Variants in LRWD1 observed in about 807,000 individuals in gnomAD.
LRWD1 encodes leucine-rich repeat and WD repeat-containing protein 1.
Under a neutral mutation model 75.6 loss-of-function variants are expected in LRWD1, and 76 were observed. The ratio of observed to expected loss-of-function variants is 1.01; its 90% CI spans 0.84 to 1.22. LRWD1 has a LOEUF of 1.22. LRWD1 is among the 50% of genes most tolerant of loss of function. The probability of loss-of-function intolerance (pLI) is 0.00; values close to 1 mark genes in which losing one functional copy is unlikely to be tolerated. For missense variants in LRWD1, 917 were observed against 862.0 expected (o/e 1.06, Z -0.80); for synonymous variants, 487 against 377.0 (o/e 1.29, Z -3.38).
At chr7:102,471,940 T>G in intron 11 of LRWD1, 1 of 430,722 alleles carries the variant, frequency 2.3e-6, no homozygotes, top group South Asian at 2.2e-5. Context: ...CTGGCTCGCT[T>G]CAGAGCCTTA....
chr7:102,467,171 G>GGTGTGTGTGTATGTGTGT (rs1798025832), intron 3 of LRWD1, among the ~76,000 whole-genome samples, 168 bp from the exon 4 acceptor site: 1 of 99,116 alleles, frequency 1.0e-5, no homozygotes, highest in Non-Finnish European at 1.9e-5. Flanking sequence ...GTGTGTGTGG[G>GGTGTGTGTGTATGTGTGT]GTGTGTGTGT....
chr7:102,467,458 C>T lies in LRWD1; in HGVS notation c.552C>T (p.Leu184=). The change falls in exon 4 of 15, where the codon CTC becomes CTT. Residue 184 remains leucine, a synonymous_variant. Transcript: ENST00000292616. The stretch of plus-strand genomic sequence containing the variant: ...ATGTCCGCTACGGGCCCGAGTCCCT[C>T]AGCGAGTTCACCCAGTGGCGGGTAT... ...VRDVRYGPES[L]SEFTQWRVRM... The T allele has an allele frequency of 2.5e-6, 4 of 1,613,734 alleles. No individual in the cohort carries two copies. Among genetic ancestry groups the T allele is most frequent in the Non-Finnish European group, 2.5e-6 (3 of 1,179,978 alleles).
At chr7:102,472,031 G>A (rs541689659) in intron 11 of LRWD1, 187 bp from the exon 12 acceptor site, 173 of 603,286 alleles carry the variant, frequency 2.9e-4, no homozygotes, top group Middle Eastern at 9.1e-4. Context: ...GGACACTCAG[G>A]TGCTGGCTCC....
intron 9 of LRWD1, 134 bp from the exon 10 acceptor site, chr7:102,469,440 C>A: frequency 1.0e-6 from 1 of 985,448 alleles, no homozygotes; most frequent in Non-Finnish European, 1.5e-6. Context: ...GTGTTCCTGT[C>A]TCCTAGCCTC....
chr7:102,469,986 G>T, intron 11 of LRWD1, 104 bp downstream of exon 11: 1 of 1,380,116 alleles, frequency 7.2e-7, no homozygotes, highest in African/African-American at 1.5e-5. Flanking sequence ...TAACCATAAG[G>T]GTTGTTTTTA....
chr7:102,472,427 T>C (rs1586745154), intron 12 of LRWD1, 27 bp from the exon 13 acceptor site: 1 of 1,541,620 alleles, frequency 6.5e-7, no homozygotes, highest in Non-Finnish European at 8.8e-7. Flanking sequence ...GGGGCCACCC[T>C]GCACAGCTCT....
chr7:102,465,889 G>A lies in LRWD1; in HGVS notation c.153G>A (p.Glu51=), dbSNP rs1408063573. The A allele has an allele frequency of 6.2e-7, 1 of 1,613,638 alleles. No homozygotes were observed. The highest frequency in any genetic ancestry group is 1.7e-5 in the Admixed American group (1 of 60,010). ...KLLCRLTQLQ[E]LDLSNNHLET... is the part of the protein sequence containing the mutation. ...TGTGCCGCCTGACGCAGCTGCAGGA[G>A]CTTGACCTGTCTAACAACCACCTGG... Residue 51 remains glutamate, a synonymous_variant, in exon 2 of 15, where the codon GAG becomes GAA. Coordinates refer to ENST00000292616, the MANE Select transcript of LRWD1 (RefSeq NM_152892.3).
intron 8 of LRWD1, 38 bp downstream of exon 8, chr7:102,468,692 C>G: frequency 6.5e-7 from 1 of 1,548,860 alleles, no homozygotes; most frequent in Non-Finnish European, 8.7e-7. Flanking sequence ...GCAAGGGTGC[C>G]CGACTGACTC....
Position 102,468,243 on chromosome 7 carries a change from A to T in LRWD1, c.805-20A>T. The T allele has an allele frequency of 6.2e-7, 1 of 1,601,712 alleles. No individual in the cohort carries two copies. Among genetic ancestry groups the T allele is most frequent in the Non-Finnish European group, 8.5e-7 (1 of 1,175,246 alleles). On this transcript the variant is annotated intron_variant, in intron 6 of 14. Coordinates refer to ENST00000292616, the MANE Select transcript of LRWD1 (RefSeq NM_152892.3). The stretch of plus-strand genomic sequence containing the variant: ...GATGAGTCGGGGCTGGGCAGCTGTG[A>T]CCCTTCTCTCCCCCCACAGCCTGCT...
At position 102,473,081 on chromosome 7, in the gene LRWD1, G is replaced by GCTAA. The variant is rs556142304; in HGVS notation, c.*39_*42dup. ...ACCATCGCAAAGGACCAGGGACACAGCTAACTAACTTATTCAGCTTTGGGC... is the reference window on the plus strand; with the variant it reads ...ACCATCGCAAAGGACCAGGGACACAGCTAACTAACTAACTTATTCAGCTTTGGGC... On this transcript the variant is annotated 3_prime_UTR_variant, in exon 15 of 15. Transcript: ENST00000292616. 2,353 of 1,563,728 alleles carry GCTAA rather than the reference G, an allele frequency of 1.5e-3. 18 individuals carry two copies. In the Middle Eastern group the frequency reaches 0.027, roughly 18 times the overall value.
rs1798244437 is a variant in LRWD1 at position 102,472,696 on chromosome 7, G to A, written c.1695G>A (p.Lys565=). ...ACTCCACCTCTGTCCCGGCAGATAA[G>A]GGGATTGTGCTCTGTGGGGATGAGG... ...AYFSLSACPD[K]GIVLCGDEEG... Residue 565 remains lysine (K), a synonymous_variant, in exon 14 of 15, where the codon AAG becomes AAA. Coordinates refer to ENST00000292616, the MANE Select transcript of LRWD1 (RefSeq NM_152892.3). The A allele has an allele frequency of 1.9e-6, 3 of 1,613,542 alleles. No individual in the cohort carries two copies. The highest frequency in any genetic ancestry group is 2.7e-5 in the African/African-American group (2 of 75,070).
rs773251452 is a variant in LRWD1, at chr7:102,472,897, T to C, written c.1804-12T>C. ...AGGAGCCCAGCCCAGCCCTCCCCTC[T>C]CTCCCCACCAGATCCTGAAGTGGCC... On this transcript the variant is annotated splice_polypyrimidine_tract_variant and intron_variant, in intron 14 of 14. Coordinates refer to ENST00000292616, the MANE Select transcript of LRWD1 (RefSeq NM_152892.3). 6.4e-7 allele frequency: 1 copy of C among 1,569,460 alleles called. No individual in the cohort carries two copies. The highest frequency in any genetic ancestry group is 8.8e-7 in the Non-Finnish European group (1 of 1,141,996).
At position 102,469,824 on chromosome 7, in the gene LRWD1, G is replaced by C; in HGVS notation, c.1384G>C (p.Gly462Arg). 2.5e-6 allele frequency: 4 copies of C among 1,605,862 alleles called. No homozygotes were observed. Among genetic ancestry groups the C allele is most frequent in the Non-Finnish European group, 3.4e-6 (4 of 1,176,656 alleles). ...CTGCCCGGACGCCCGCCTGCTGGCC[G>C]GCTGCGAGGGCGGCTGCTGCTGCTG... is the stretch of plus-strand genomic sequence containing the variant. ...ASCPDARLLAGCEGGCCCWDV... is the reference protein window; with the variant it reads ...ASCPDARLLARCEGGCCCWDV... The change falls in exon 11 of 15, where the codon GGC (glycine) becomes CGC (arginine). Residue 462 changes from glycine (G) to arginine (R), a missense_variant. Transcript: ENST00000292616.
rs754372905 is a variant in LRWD1, at chr7:102,472,793, G to GCCCCCACACAGGTACTGC, written c.1795_1803+9dup. 19 of 1,613,232 alleles carry GCCCCCACACAGGTACTGC rather than the reference G, an allele frequency of 1.2e-5. No homozygotes were observed. In the Admixed American group the frequency reaches 3.0e-4, roughly 25 times the overall value. ...ACCCCTGCTGCCGGCAGCCCTGCAGGCCCCCACACAGGTACTGCCCGGCTC... is the reference window on the plus strand; with the variant it reads ...ACCCCTGCTGCCGGCAGCCCTGCAGGCCCCCACACAGGTACTGCCCCCCACACAGGTACTGCCCGGCTC... On this transcript the variant is annotated inframe_insertion, in exon 14 of 15. Transcript: ENST00000292616.
At position 102,472,515 on chromosome 7, in the gene LRWD1, C is replaced by T; in HGVS notation, c.1596C>T (p.Gly532=). The T allele has an allele frequency of 1.3e-6, 2 of 1,558,144 alleles. No individual in the cohort carries two copies. Among genetic ancestry groups the T allele is most frequent in the Non-Finnish European group, 1.7e-6 (2 of 1,152,826 alleles). ...GGAGCTGGAGGCAGACGTGGGGGGG[C>T]CGGGGCAGCCAGTCCACGGTGGCAG... ...CLWSWRQTWG[G]RGSQSTVAVV... is the part of the protein sequence containing the mutation. The change falls in exon 13 of 15, where the codon GGC becomes GGT. Residue 532 remains glycine (G), a synonymous_variant. Transcript: ENST00000292616.
chr7:102,465,488 G>GTTTTTTTTTTTTTTTTTTTTTTTTT lies in LRWD1; in HGVS notation c.80+328_81-328insTTTTTTTTTTTTTTTTTTTTTTTTT, dbSNP rs1797932813. On this transcript the variant is annotated intron_variant, in intron 1 of 14. Transcript: ENST00000292616. ...GCCCCCGAGTCCTAAAGTAGTTGCAGCTTTTTTTTTTTTTTTTTTTTTTTT... is the reference window on the plus strand; with the variant it reads ...GCCCCCGAGTCCTAAAGTAGTTGCAGTTTTTTTTTTTTTTTTTTTTTTTTTCTTTTTTTTTTTTTTTTTTTTTTTT... 2.8e-5 allele frequency: 3 copies of GTTTTTTTTTTTTTTTTTTTTTTTTT among 107,648 alleles called. 1 individual carries two copies. Among genetic ancestry groups the GTTTTTTTTTTTTTTTTTTTTTTTTT allele is most frequent in the African/African-American group, 1.5e-4 (3 of 19,906 alleles). 6.7% of individuals were successfully genotyped at this position (107,648 alleles called of 1,614,324 possible). A position where few individuals can be genotyped will look rare whatever the true frequency, so the allele number is the denominator to read the frequency against.
chr7:102,473,040 G>T lies in LRWD1; in HGVS notation c.1935G>T (p.Gly645=), dbSNP rs777914569. 1 of 1,613,216 alleles carries T rather than the reference G, an allele frequency of 6.2e-7. No individual in the cohort carries two copies. Among genetic ancestry groups the T allele is most frequent in the Non-Finnish European group, 8.5e-7 (1 of 1,179,558 alleles). Residue 645 remains glycine, a synonymous_variant, in exon 15 of 15, where the codon GGG becomes GGT. Coordinates refer to ENST00000292616, the MANE Select transcript of LRWD1 (RefSeq NM_152892.3). ...ACTCCAACATCGTAGCCATCTGGGG[G>T]AGGATGTAGCCTCACACCATCGCAA... The part of the protein sequence containing the change: ...LTDSNIVAIW[G]RM
At chr7:102,466,919 T>G (rs1798002608) in intron 3 of LRWD1, among the ~76,000 whole-genome samples, 1 of 151,688 alleles carries the variant, frequency 6.6e-6, no homozygotes, top group Admixed American at 6.6e-5. Context: ...TAGCTGGGGC[T>G]TTAGGCGCAT....
chr7:102,465,686 C>T (rs763447604), intron 1 of LRWD1, 131 bp from the exon 2 acceptor site: 76 of 668,092 alleles, frequency 1.1e-4, no homozygotes, highest in Non-Finnish European at 1.9e-4. Context: ...AATAAAGTAA[C>T]GGGGGGATGG....
Sources: gnomAD v4.1 joint callset for allele counts (sites outside exome capture counted in the v4.1 genomes callset) on GRCh38, gnomAD v4.1.1 for gene constraint, MANE v1.5 for transcripts, NCBI Gene and HGNC (gene_info 2026-07-23, HGNC 2026-07-21) for gene names.